CELF2: variants seen among roughly 807,000 people sequenced by gnomAD.
The protein encoded by CELF2 is CUG triplet repeat RNA-binding protein 2.
In CELF2, 8 loss-of-function variants were observed where a neutral mutation model predicts 62.6. The observed-to-expected ratio is 0.13, with a 90% confidence interval of 0.07 to 0.23. The LOEUF (loss-of-function observed/expected upper bound fraction) is 0.23. Ranked by LOEUF, CELF2 falls within the 10% of genes least tolerant of loss-of-function variation. The pLI is 1.00. For synonymous variants in CELF2, 258 were observed against 250.0 expected, an observed-to-expected ratio of 1.03 and a Z score of -0.30; for missense variants, 333 against 671.0, an observed-to-expected ratio of 0.50 and a Z score of 5.56.
the CELF2 span, among the ~76,000 whole-genome samples, chr10:10,779,511 C>A: frequency 6.6e-6 from 1 of 152,090 alleles, no homozygotes; most frequent in South Asian, 2.1e-4. Context: ...TTCCTTTTCT[C>A]CTTTCTTCTG....
chr10:11,163,779 T>A (rs1397933262), intron 1 of CELF2, among the ~76,000 whole-genome samples: 1 of 152,232 alleles, frequency 6.6e-6, no homozygotes, highest in African/African-American at 2.4e-5. Flanking sequence ...GAAGAGTATT[T>A]GACATCATTT....
rs2060499215 is a variant in CELF2, at chr10:10,868,130, C to A, written c.54-51834C>A. Among the ~76,000 whole-genome samples, 5 of 152,214 alleles carry A rather than the reference C, an allele frequency of 3.3e-5. No homozygotes were observed. In the South Asian group the frequency reaches 8.3e-4, roughly 25 times the overall value. Reference sequence around the variant, plus strand: ...CAGTTATCTGTTCCTGTTCAGCATACCACCCCCAGAATTAGTGGCGGTGAA... The same window carrying A: ...CAGTTATCTGTTCCTGTTCAGCATAACACCCCCAGAATTAGTGGCGGTGAA... On this transcript the variant is annotated intron_variant, in intron 1 of 13. Coordinates refer to the CELF2 transcript ENST00000636488.
chr10:10,828,000 TAA>T (rs66721705), intron 1 of CELF2, among the ~76,000 whole-genome samples: 8 of 60,712 alleles, frequency 1.3e-4, no homozygotes, highest in South Asian at 7.4e-4. Context: ...AGGCTAGTCT[TAA>T]AAAAAAAAAA....
chr10:11,120,611 A>G (rs1256707208), intron 1 of CELF2, among the ~76,000 whole-genome samples: 11 of 152,202 alleles, frequency 7.2e-5, no homozygotes, highest in Non-Finnish European at 1.6e-4. Context: ...CTTGCCCTTC[A>G]GAAATCCCAA....
rs538933795 is a variant in CELF2 at position 10,997,935 on chromosome 10, C to T, written c.89+77936C>T. ...ATCCCCACGTGTCATGGGAGGGACC[C>T]GGTGGGAGGTAATTGAATCATGGAG... On this transcript the variant is annotated intron_variant, in intron 2 of 13. Coordinates refer to the CELF2 transcript ENST00000636488. The surrounding 1 kb of genome is among the most constrained non-coding windows in gnomAD (Gnocchi z 5.3). Among the ~76,000 whole-genome samples the T allele has an allele frequency of 1.1e-4, 16 of 152,238 alleles. No homozygotes were observed. The highest frequency in any genetic ancestry group is 2.1e-4 in the South Asian group (1 of 4,810).
At chr10:10,659,464 A>G in the CELF2 span, among the ~76,000 whole-genome samples, 1 of 152,206 alleles carries the variant, frequency 6.6e-6, no homozygotes, top group Non-Finnish European at 1.5e-5. Context: ...TCTCGAAAGC[A>G]AGAATGTCAT....
intron 1 of CELF2, among the ~76,000 whole-genome samples, chr10:10,803,391 GTCTTTC>G (rs1245539648): frequency 1.3e-5 from 2 of 152,146 alleles, no homozygotes; most frequent in Admixed American, 6.5e-5. Flanking sequence ...AGCCCTGCTG[GTCTTTC>G]TCTTTCTCAG....
intron 1 of CELF2, among the ~76,000 whole-genome samples, chr10:10,871,710 A>G (rs1204348460): frequency 2.0e-5 from 3 of 152,124 alleles, no homozygotes; most frequent in Non-Finnish European, 4.4e-5. Flanking sequence ...GAACCAGGGG[A>G]CGTAAAAGAA....
intron 1 of CELF2, among the ~76,000 whole-genome samples, chr10:10,826,540 A>G (rs1296144027): frequency 6.6e-6 from 1 of 152,242 alleles, no homozygotes; most frequent in Non-Finnish European, 1.5e-5. Flanking sequence ...TCTGAAACTC[A>G]AATGTAATTG....
At chr10:11,282,234 A>G (rs1171990103) in intron 8 of CELF2, among the ~76,000 whole-genome samples, 1 of 151,950 alleles carries the variant, frequency 6.6e-6, no homozygotes, top group African/African-American at 2.4e-5. Context: ...ATACCAATGC[A>G]CAGGAGGAGA....
the CELF2 span, among the ~76,000 whole-genome samples, chr10:10,650,511 T>G: frequency 6.7e-6 from 1 of 149,214 alleles, no homozygotes; most frequent in African/African-American, 2.5e-5. Context: ...AGTACACATC[T>G]TGAATTATAA....
At position 11,227,570 on chromosome 10, in the gene CELF2, T is replaced by C. The variant is rs2067055284; in HGVS notation, c.354+10063T>C. ...ATATTAGGGCCAGTTCTGGGTTGGC[T>C]CTGTCTAGCCATCACATTGTGGTTT... On this transcript the variant is annotated intron_variant, in intron 3 of 12. Coordinates refer to ENST00000633077, the MANE Select transcript of CELF2 (RefSeq NM_001326342.2). This position sits in a 1 kb window ranked among gnomAD's most constrained non-coding sequence, Gnocchi z 4.8. Among the ~76,000 whole-genome samples the C allele has an allele frequency of 6.6e-6, 1 of 152,238 alleles. No homozygotes were observed. Among genetic ancestry groups the C allele is most frequent in the South Asian group, 2.1e-4 (1 of 4,830 alleles).
At chr10:10,753,222 A>C in the CELF2 span, among the ~76,000 whole-genome samples, 1 of 152,188 alleles carries the variant, frequency 6.6e-6, no homozygotes, top group South Asian at 2.1e-4. Flanking sequence ...TATCATAGAA[A>C]GTTTATGTCT....
In CELF2 at chr10:11,159,527, A is replaced by G. The variant is rs576894265; in HGVS notation, c.75-5959A>G. On this transcript the variant is annotated intron_variant, in intron 1 of 12. Transcript: ENST00000633077. The surrounding 1 kb of genome is among the most constrained non-coding windows in gnomAD (Gnocchi z 5.0). ...CATGGACAGGGCGCCTCCTGAGGGTAGGGCCTGAGTTTCTGATGTGTTCTC... is the reference window on the plus strand; with the variant it reads ...CATGGACAGGGCGCCTCCTGAGGGTGGGGCCTGAGTTTCTGATGTGTTCTC... Among the ~76,000 whole-genome samples the G allele has an allele frequency of 1.3e-5, 2 of 152,224 alleles. No homozygotes were observed. The highest frequency in any genetic ancestry group is 2.9e-5 in the Non-Finnish European group (2 of 68,030).
At position 10,983,003 on chromosome 10, in the gene CELF2, G is replaced by T. The variant is rs939967816; in HGVS notation, c.89+63004G>T. 5.3e-5 allele frequency among the ~76,000 whole-genome samples: 8 copies of T among 151,906 alleles called. No individual in the cohort carries two copies. The highest frequency in any genetic ancestry group is 1.9e-4 in the African/African-American group (8 of 41,340). ...AGGATGTTGTCAAGATATGCTGAAT[G>T]AGCCCCTTCCCCCAGAAATGTTGCC... On this transcript the variant is annotated intron_variant, in intron 2 of 13. Coordinates refer to the CELF2 transcript ENST00000636488. The surrounding 1 kb of genome is among the most constrained non-coding windows in gnomAD (Gnocchi z 5.2).
chr10:11,060,281 G>T (rs1240176633), intron 1 of CELF2, among the ~76,000 whole-genome samples: 1 of 152,208 alleles, frequency 6.6e-6, no homozygotes, highest in African/African-American at 2.4e-5. Flanking sequence ...AAAACTTCCT[G>T]GATAGGACAG....
chr10:10,794,936 C>G (rs1004145298), upstream of CELF2: 13 of 152,246 alleles, frequency 8.5e-5, no homozygotes, highest in African/African-American at 3.1e-4. Context: ...ATGCAGATTC[C>G]TTGCCTCCTA....
Position 11,268,564 on chromosome 10 carries a change from T to C in CELF2, c.618+1887T>C, listed in dbSNP as rs2082812272. Among the ~76,000 whole-genome samples, 1 of 152,242 alleles carries C rather than the reference T, an allele frequency of 6.6e-6. No homozygotes were observed. The highest frequency in any genetic ancestry group is 1.5e-5 in the Non-Finnish European group (1 of 68,046). ...TCATGTAAAGAGTTGGTTTGACCAC[T>C]GGGGCATATTTATTCCTAAGCCTTT... is the stretch of plus-strand genomic sequence containing the variant. On this transcript the variant is annotated intron_variant, in intron 6 of 12. Coordinates refer to ENST00000633077, the MANE Select transcript of CELF2 (RefSeq NM_001326342.2). This position sits in a 1 kb window ranked among gnomAD's most constrained non-coding sequence, Gnocchi z 4.7.
intron 1 of CELF2, among the ~76,000 whole-genome samples, chr10:10,833,013 CTGTGTGTGTGTGTGTGTGTG>C (rs71378768): frequency 6.9e-5 from 10 of 144,508 alleles, no homozygotes; most frequent in African/African-American, 2.3e-4. Context: ...ACAGAAAACT[CTGTGTGTGTGTGTGTGTGTG>C]TGTGTGTGTG....
Sources: gnomAD v4.1 joint callset for allele counts (sites outside exome capture counted in the v4.1 genomes callset) on GRCh38, gnomAD v4.1.1 for gene constraint, Gnocchi (gnomAD v3.1) non-coding constraint, MANE v1.5 for transcripts, NCBI Gene and HGNC (gene_info 2026-07-23, HGNC 2026-07-21) for gene names.